Variants in CDH7 observed in about 807,000 individuals in gnomAD.
CDH7 encodes cadherin-7.
A neutral mutation model predicts 71.8 loss-of-function variants in CDH7; 25 were observed. The observed-to-expected ratio is 0.35, with a 90% CI of 0.25 to 0.49. The LOEUF (loss-of-function observed/expected upper bound fraction) is 0.49. Among genes scored for constraint, CDH7 ranks in the 20% least tolerant of loss-of-function variants. The pLI is 0.99. For synonymous variants in CDH7, 381 were observed against 363.8 expected (o/e 1.05, Z -0.54); for missense variants, 862 against 974.6 (o/e 0.88, Z 1.54).
In CDH7 at chr18:65,885,925, C is replaced by T. The variant is rs1186955972; in HGVS notation, c.*5031C>T. The stretch of plus-strand genomic sequence containing the variant: ...ATTTAGCTGTTATTTGTGTAATTGT[C>T]ACATATTATTGTGCAGATTTAATCT... On this transcript the variant is annotated 3_prime_UTR_variant, in exon 12 of 12. Transcript: ENST00000397968. The T allele has an allele frequency of 6.6e-6, 1 of 152,104 alleles. No individual in the cohort carries two copies. The highest frequency in any genetic ancestry group is 1.9e-4 in the East Asian group (1 of 5,192). The allele number at this position is 152,104 out of a possible 1,614,324, so 9.4% of individuals were successfully genotyped here.
At chr18:65,831,313 C>T (rs1476468818) in intron 6 of CDH7, among the ~76,000 whole-genome samples, 1 of 152,102 alleles carries the variant, frequency 6.6e-6, no homozygotes, top group Non-Finnish European at 1.5e-5. Flanking sequence ...GAATATCCAT[C>T]ACTCTCATTC....
At position 65,881,345 on chromosome 18, in the gene CDH7, A is replaced by T. The variant is rs2144075176; in HGVS notation, c.*451A>T. ...TTGTTGCATATCAAAACTTGGGACA[A>T]ATTTAATTTACAGAGATGCTTATAG... On this transcript the variant is annotated 3_prime_UTR_variant, in exon 12 of 12. Transcript: ENST00000397968. The T allele has an allele frequency of 6.5e-6, 1 of 153,822 alleles. No homozygotes were observed. Among genetic ancestry groups the T allele is most frequent in the African/African-American group, 2.4e-5 (1 of 41,580 alleles). 9.5% of individuals were successfully genotyped at this position (153,822 alleles called of 1,614,324 possible).
At chr18:65,805,378 G>C (rs1911278030) in intron 2 of CDH7, among the ~76,000 whole-genome samples, 1 of 152,134 alleles carries the variant, frequency 6.6e-6, no homozygotes, top group Non-Finnish European at 1.5e-5. Flanking sequence ...TTGGACCATA[G>C]ACTACACTGT....
chr18:65,750,569 G>A (rs751085145), upstream of CDH7: 4 of 152,324 alleles, frequency 2.6e-5, no homozygotes, highest in Non-Finnish European at 4.4e-5. Flanking sequence ...GAGGGTGCGC[G>A]AGGGTGCGCG....
chr18:65,825,492 A>G (rs1912094806), intron 6 of CDH7, among the ~76,000 whole-genome samples: 2 of 151,858 alleles, frequency 1.3e-5, no homozygotes, highest in African/African-American at 4.8e-5. Flanking sequence ...TCTCTTTTCA[A>G]TTTAGAGATA....
chr18:65,810,061 T>C, intron 3 of CDH7, 63 bp downstream of exon 3: 1 of 1,377,642 alleles, frequency 7.3e-7, no homozygotes, highest in Non-Finnish European at 1.0e-6. Context: ...GTATTTAAAA[T>C]TAAATCATCA....
chr18:65,827,921 C>A (rs957698606), intron 6 of CDH7, among the ~76,000 whole-genome samples: 1 of 151,770 alleles, frequency 6.6e-6, no homozygotes, highest in Non-Finnish European at 1.5e-5. Flanking sequence ...TTATACAGTG[C>A]AGATAATATC....
Position 65,814,618 on chromosome 18 carries a change from T to C in CDH7, c.625+14T>C. 1.2e-6 allele frequency: 2 copies of C among 1,600,876 alleles called. No individual in the cohort carries two copies. The highest frequency in any genetic ancestry group is 1.7e-6 in the Non-Finnish European group (2 of 1,174,774). On this transcript the variant is annotated intron_variant, in intron 4 of 11. Coordinates refer to ENST00000397968, the MANE Select transcript of CDH7 (RefSeq NM_004361.5). ...AGCCAAAGACAGGTAAAAATTGAAA[T>C]GTGACATTCTTGTAAAGTCATCATT...
At chr18:65,806,169 A>C (rs1365455958) in intron 2 of CDH7, among the ~76,000 whole-genome samples, 1 of 152,178 alleles carries the variant, frequency 6.6e-6, no homozygotes, top group Non-Finnish European at 1.5e-5. Flanking sequence ...ATATTAATAC[A>C]TGATGCTGAC....
At position 65,809,940 on chromosome 18, in the gene CDH7, T is replaced by C. The variant is rs370024858; in HGVS notation, c.447T>C (p.Asn149=). The C allele has an allele frequency of 2.5e-6, 4 of 1,614,050 alleles. No individual in the cohort carries two copies. The highest frequency in any genetic ancestry group is 3.4e-6 in the Non-Finnish European group (4 of 1,179,992). ...TCAAAATTCAGGATATCAACGACAA[T>C]GAACCCAAATTTTTGGATGGCCCAT... The part of the protein sequence containing the change: ...FVIKIQDIND[N]EPKFLDGPYT... Residue 149 remains asparagine, a synonymous_variant, in exon 3 of 12, where the codon AAT becomes AAC. Transcript: ENST00000397968.
intron 2 of CDH7, among the ~76,000 whole-genome samples, chr18:65,771,991 A>T (rs1916558306): frequency 1.3e-5 from 2 of 152,284 alleles, no homozygotes; most frequent in South Asian, 4.1e-4. Flanking sequence ...AATGATTAAC[A>T]TCATTCTAGC....
chr18:65,877,875 G>T (rs766072348), intron 11 of CDH7, among the ~76,000 whole-genome samples: 2 of 152,016 alleles, frequency 1.3e-5, no homozygotes, highest in Admixed American at 1.3e-4. Flanking sequence ...TGTCTTTCTT[G>T]AGCAAGCAAA....
intron 2 of CDH7, among the ~76,000 whole-genome samples, chr18:65,781,365 A>G (rs923748984): frequency 1.3e-5 from 2 of 152,264 alleles, no homozygotes; most frequent in Non-Finnish European, 2.9e-5. Flanking sequence ...ATTAATTTAA[A>G]TAAGGAATCA....
At chr18:65,779,257 CTTTTTTTTTT>C (rs34051231) in intron 2 of CDH7, among the ~76,000 whole-genome samples, 13 of 72,878 alleles carry the variant, frequency 1.8e-4, no homozygotes, top group Admixed American at 5.7e-4. Context: ...AGAAAACATT[CTTTTTTTTTT>C]TTTTTTTTCA....
intron 11 of CDH7, among the ~76,000 whole-genome samples, chr18:65,875,346 T>C (rs1366417094): frequency 6.6e-6 from 1 of 152,182 alleles, no homozygotes; most frequent in Non-Finnish European, 1.5e-5. Context: ...CAGGACTTGA[T>C]GATACTCCAA....
chr18:65,824,943 A>G (rs921282979), intron 6 of CDH7, 112 bp downstream of exon 6: 1 of 619,582 alleles, frequency 1.6e-6, no homozygotes, highest in Non-Finnish European at 2.6e-6. Context: ...TACTATTTTA[A>G]TTTTAGTAAG....
At chr18:65,754,800 T>C (rs1915987993) in intron 1 of CDH7, among the ~76,000 whole-genome samples, 1 of 152,202 alleles carries the variant, frequency 6.6e-6, no homozygotes, top group Non-Finnish European at 1.5e-5. Flanking sequence ...TTCTACAATG[T>C]TCACTGGGCT....
chr18:65,777,462 G>A (rs1909990632), intron 2 of CDH7, among the ~76,000 whole-genome samples: 1 of 151,960 alleles, frequency 6.6e-6, no homozygotes, highest in Non-Finnish European at 1.5e-5. Flanking sequence ...CAGGTGAAAA[G>A]TAAAACTCTC....
rs754721448 is a variant in CDH7 at position 65,880,591 on chromosome 18, T to C, written c.2055T>C (p.Asp685=). Residue 685 remains aspartate (D), a synonymous_variant, in exon 12 of 12, where the codon GAT becomes GAC. Coordinates refer to ENST00000397968, the MANE Select transcript of CDH7 (RefSeq NM_004361.5). ...TCCGAGACACCAAGACCCGGAGGGA[T>C]GTGACTCCAGAAATTCAATTCCTGA... ...NVIRDTKTRR[D]VTPEIQFLSR... is the part of the protein sequence containing the mutation. The C allele has an allele frequency of 6.2e-7, 1 of 1,613,778 alleles. No individual in the cohort carries two copies. Among genetic ancestry groups the C allele is most frequent in the East Asian group, 2.2e-5 (1 of 44,880 alleles).
Sources: gnomAD v4.1 joint callset for allele counts (sites outside exome capture counted in the v4.1 genomes callset) on GRCh38, gnomAD v4.1.1 for gene constraint, MANE v1.5 for transcripts, NCBI Gene and HGNC (gene_info 2026-07-23, HGNC 2026-07-21) for gene names.